GLI2: variants seen among roughly 807,000 people sequenced by gnomAD.
GLI2 encodes GLI family zinc finger 2.
In GLI2, 22 loss-of-function variants were observed where a neutral mutation model predicts 78.9. That is an observed-to-expected ratio of 0.28 (90% CI 0.20 to 0.40). The LOEUF is 0.40. Among genes scored for constraint, GLI2 ranks in the 10% least tolerant of loss-of-function variants. The pLI, the probability that GLI2 is intolerant of heterozygous loss-of-function variation, is 1.00. For missense variants in GLI2, 2,097 were observed against 2,213.2 expected, an observed-to-expected ratio of 0.95 and a Z score of 1.05; for synonymous variants, 974 against 963.7, an observed-to-expected ratio of 1.01 and a Z score of -0.20.
chr2:120,806,357 G>A (rs1473798849), intron 2 of GLI2, among the ~76,000 whole-genome samples: 3 of 152,342 alleles, frequency 2.0e-5, no homozygotes, highest in Non-Finnish European at 4.4e-5. Flanking sequence ...AGGTGGTGAT[G>A]ACAGGGACGT....
At chr2:120,815,519 T>C (rs1200753809) in intron 2 of GLI2, among the ~76,000 whole-genome samples, 1 of 152,200 alleles carries the variant, frequency 6.6e-6, no homozygotes, top group Non-Finnish European at 1.5e-5. Context: ...TCAGCCGTCT[T>C]GCTGTGGCTC....
At chr2:120,949,266 C>A (rs1178036606) in intron 3 of GLI2, among the ~76,000 whole-genome samples, 1 of 152,260 alleles carries the variant, frequency 6.6e-6, no homozygotes, top group African/African-American at 2.4e-5. Context: ...GCACCCACCT[C>A]TACAGGCAGG....
intron 2 of GLI2, among the ~76,000 whole-genome samples, chr2:120,889,065 G>A (rs1677554185): frequency 1.3e-5 from 2 of 152,206 alleles, no homozygotes; most frequent in Non-Finnish European, 2.9e-5. Flanking sequence ...GATGGGTTGG[G>A]CGCTGCAGGA....
At chr2:120,753,093 ATTT>A (rs55697602) in intron 1 of GLI2, among the ~76,000 whole-genome samples, 1 of 111,858 alleles carries the variant, frequency 8.9e-6, no homozygotes. Flanking sequence ...TTCTGTACGT[ATTT>A]TTTTTTTTTT....
intron 3 of GLI2, among the ~76,000 whole-genome samples, chr2:120,941,125 G>A (rs903122655): frequency 6.6e-6 from 1 of 152,208 alleles, no homozygotes; most frequent in Non-Finnish European, 1.5e-5. Context: ...CCCGTACACA[G>A]AGCCTCCCCA....
intron 2 of GLI2, among the ~76,000 whole-genome samples, chr2:120,850,422 C>T (rs1300958940): frequency 6.6e-6 from 1 of 152,090 alleles, no homozygotes; most frequent in African/African-American, 2.4e-5. Context: ...GTGAATTTGC[C>T]CTGGGAAATT....
chr2:120,860,144 G>A (rs950384696), intron 2 of GLI2, among the ~76,000 whole-genome samples: 3 of 152,176 alleles, frequency 2.0e-5, no homozygotes, highest in Admixed American at 6.5e-5. Flanking sequence ...CAAGGAGAGT[G>A]CATCGGAGTG....
intron 2 of GLI2, among the ~76,000 whole-genome samples, chr2:120,857,617 C>T (rs1226324317): frequency 1.3e-5 from 2 of 151,734 alleles, no homozygotes; most frequent in Non-Finnish European, 2.9e-5. Context: ...CACCCACCTA[C>T]TCATCAACCC....
In GLI2 at chr2:120,952,080, C is replaced by A. The variant is rs542270806; in HGVS notation, c.457+635C>A. Among the ~76,000 whole-genome samples the A allele has an allele frequency of 5.3e-5, 8 of 152,336 alleles. No individual in the cohort carries two copies. In the East Asian group the frequency reaches 7.7e-4, roughly 15 times the overall value. On this transcript the variant is annotated intron_variant, in intron 4 of 13. Coordinates refer to ENST00000361492, the MANE Select transcript of GLI2 (RefSeq NM_001374353.1). ...AGATCTAAAGTTTTACACTTCTAGT[C>A]CCCACCCACCCCACCAACAGACACA...
chr2:120,950,510 G>C (rs1057089793), intron 3 of GLI2, among the ~76,000 whole-genome samples: 5 of 152,170 alleles, frequency 3.3e-5, no homozygotes, highest in Admixed American at 6.5e-5. Flanking sequence ...TTGGGGACAT[G>C]GGGGTGGGCC....
At position 120,908,012 on chromosome 2, in the gene GLI2, G is replaced by A. The variant is rs532390458; in HGVS notation, c.149-19349G>A. Among the ~76,000 whole-genome samples, 9 of 152,348 alleles carry A rather than the reference G, an allele frequency of 5.9e-5. No homozygotes were observed. In the South Asian group the frequency reaches 6.2e-4, roughly 11 times the overall value. ...ACCACCTGGTGAAAGCCCCCAGCAG[G>A]GGGCTAGACTGTCCTCAGGAGCCCT... On this transcript the variant is annotated intron_variant, in intron 2 of 13. Transcript: ENST00000361492.
chr2:120,862,336 C>CA (rs1171086294), intron 2 of GLI2, among the ~76,000 whole-genome samples: 1 of 152,196 alleles, frequency 6.6e-6, no homozygotes, highest in African/African-American at 2.4e-5. Context: ...GCAGTTCGCC[C>CA]ACCCCTCCGC....
At chr2:120,964,656 T>G (rs879460238) in intron 5 of GLI2, among the ~76,000 whole-genome samples, 2 of 152,184 alleles carry the variant, frequency 1.3e-5, no homozygotes, top group Non-Finnish European at 2.9e-5. Context: ...GAAGAGCTGG[T>G]CCAGGCACAG....
chr2:120,948,624 C>G (rs1032991071), intron 3 of GLI2, among the ~76,000 whole-genome samples: 5 of 152,210 alleles, frequency 3.3e-5, no homozygotes, highest in Admixed American at 3.3e-4. Flanking sequence ...GCTCACCTGG[C>G]CAGTGGGACC....
At chr2:120,897,472 G>T (rs944762325) in intron 2 of GLI2, among the ~76,000 whole-genome samples, 1 of 152,198 alleles carries the variant, frequency 6.6e-6, no homozygotes, top group Admixed American at 6.5e-5. Flanking sequence ...GTTTACTGGG[G>T]CATGGTAAGT....
chr2:120,811,099 G>A (rs575952479), intron 2 of GLI2, among the ~76,000 whole-genome samples: 3 of 152,340 alleles, frequency 2.0e-5, no homozygotes, highest in African/African-American at 7.2e-5. Context: ...TGCAAAGTGG[G>A]GTGGGTCAGC....
At chr2:120,736,602 G>T (rs2104614702) in intron 1 of GLI2, among the ~76,000 whole-genome samples, 1 of 151,870 alleles carries the variant, frequency 6.6e-6, no homozygotes, top group African/African-American at 2.4e-5. Flanking sequence ...ACAGCGAGCC[G>T]GCCTCCGCGC....
chr2:120,940,193 G>A (rs957267928), intron 3 of GLI2, among the ~76,000 whole-genome samples: 1 of 152,208 alleles, frequency 6.6e-6, no homozygotes, highest in Non-Finnish European at 1.5e-5. Context: ...CATGTGTTGT[G>A]AATATCCTCT....
At position 120,956,124 on chromosome 2, in the gene GLI2, G is replaced by A. The variant is rs1395629925; in HGVS notation, c.643+694G>A. Reference sequence around the variant, plus strand: ...GTGAGAATTGATTTGGGGGCAAGACGGAGGCAGGAGGTCCAGTTGGTAGAG... The same window carrying A: ...GTGAGAATTGATTTGGGGGCAAGACAGAGGCAGGAGGTCCAGTTGGTAGAG... On this transcript the variant is annotated intron_variant, in intron 5 of 13. Transcript: ENST00000361492. Among the ~76,000 whole-genome samples the A allele has an allele frequency of 1.3e-5, 2 of 152,174 alleles. 1 individual carries two copies. The highest frequency in any genetic ancestry group is 6.3e-3 in the Middle Eastern group (2 of 316).
Sources: gnomAD v4.1 joint callset for allele counts (sites outside exome capture counted in the v4.1 genomes callset) on GRCh38, gnomAD v4.1.1 for gene constraint, MANE v1.5 for transcripts, NCBI Gene and HGNC (gene_info 2026-07-23, HGNC 2026-07-21) for gene names.